Variants in PLD1 observed in about 807,000 individuals in gnomAD.
The protein encoded by PLD1 is phospholipase D1.
A neutral mutation model predicts 137.1 loss-of-function variants in PLD1; 112 were observed. That is an observed-to-expected ratio of 0.82 (90% CI 0.70 to 0.96). The LOEUF (loss-of-function observed/expected upper bound fraction) is 0.96, where lower values mean the gene tolerates loss of function less well. Ranked by LOEUF, PLD1 falls within the 40% of genes least tolerant of loss-of-function variation. The pLI is 0.00. For synonymous variants in PLD1, 431 were observed against 454.7 expected (o/e 0.95, Z 0.66); for missense variants, 1,321 against 1,342.0 (o/e 0.98, Z 0.24).
intron 1 of PLD1, among the ~76,000 whole-genome samples, chr3:171,772,428 C>G (rs951931573): frequency 6.6e-6 from 1 of 152,148 alleles, no homozygotes; most frequent in Non-Finnish European, 1.5e-5. Context: ...GAAATATAAG[C>G]CATTAGCTCA....
chr3:171,613,692 C>T (rs1175808641), intron 24 of PLD1, among the ~76,000 whole-genome samples: 1 of 149,890 alleles, frequency 6.7e-6, no homozygotes, highest in African/African-American at 2.5e-5. Context: ...TCAAGGAGTC[C>T]ATTTTTTTTT....
chr3:171,699,781 A>G lies in PLD1; in HGVS notation c.1191T>C (p.Asn397=), dbSNP rs1464371825. The G allele has an allele frequency of 1.9e-6, 3 of 1,614,066 alleles. No individual in the cohort carries two copies. Among genetic ancestry groups the G allele is most frequent in the African/African-American group, 1.3e-5 (1 of 75,054 alleles). Residue 397 remains asparagine, a synonymous_variant, in exon 12 of 27, where the codon AAT becomes AAC. Transcript: ENST00000351298. Reference sequence around the variant, plus strand: ...TAAGAATGCAGTCCAACCTCCAACGATTTCCCTCAACCACTGGGCGTTTCA... The same window carrying G: ...TAAGAATGCAGTCCAACCTCCAACGGTTTCCCTCAACCACTGGGCGTTTCA... ...IFLKRPVVEG[N]RWRLDCILKR...
At chr3:171,699,948 G>A (rs1165469807) in intron 11 of PLD1, 122 bp from the exon 12 acceptor site, 6 of 725,390 alleles carry the variant, frequency 8.3e-6, no homozygotes, top group African/African-American at 3.5e-5. Context: ...ATTGTGATGG[G>A]TAATCCAAAG....
chr3:171,649,931 T>C (rs951462529), intron 21 of PLD1, among the ~76,000 whole-genome samples: 11 of 152,214 alleles, frequency 7.2e-5, no homozygotes, highest in Non-Finnish European at 8.8e-5. Flanking sequence ...AGCACAATAC[T>C]TCTGGTACTG....
At chr3:171,739,968 A>G (rs1308488175) in intron 1 of PLD1, among the ~76,000 whole-genome samples, 1 of 152,176 alleles carries the variant, frequency 6.6e-6, no homozygotes, top group Non-Finnish European at 1.5e-5. Flanking sequence ...AGCAAACCCT[A>G]ACAGGAAGAA....
chr3:171,662,167 G>C lies in PLD1; in HGVS notation c.2233C>G (p.Leu745Val). Residue 745 changes from leucine (L) to valine (V), a missense_variant, in exon 20 of 27, where the codon CTC becomes GTC. Coordinates refer to ENST00000351298, the MANE Select transcript of PLD1 (RefSeq NM_002662.5). ...PGSVHANVQLLRSAADWSAGI... is the reference protein window; with the variant it reads ...PGSVHANVQLVRSAADWSAGI... The stretch of plus-strand genomic sequence containing the variant: ...GCAGACCAATCAGCAGCAGAGCGGA[G>C]CAACTACAAGGCAGCAATCAGAAAT... The C allele has an allele frequency of 6.3e-7, 1 of 1,589,996 alleles. No homozygotes were observed. The highest frequency in any genetic ancestry group is 8.6e-7 in the Non-Finnish European group (1 of 1,158,354).
chr3:171,614,416 T>G (rs7645352), intron 24 of PLD1, among the ~76,000 whole-genome samples: 1 of 152,188 alleles, frequency 6.6e-6, no homozygotes, highest in African/African-American at 2.4e-5. Context: ...CTTTCATAAA[T>G]TGAGATAATA....
intron 1 of PLD1, among the ~76,000 whole-genome samples, chr3:171,783,007 C>G (rs1396753615): frequency 6.6e-6 from 1 of 151,982 alleles, no homozygotes; most frequent in African/African-American, 2.4e-5. Flanking sequence ...GGATGGGGGA[C>G]AGATGATGGA....
At chr3:171,708,339 G>A (rs6806023) in intron 11 of PLD1, among the ~76,000 whole-genome samples, 46,471 of 151,884 alleles carry the variant, frequency 0.31, 8,166 homozygotes, top group African/African-American at 0.46. Flanking sequence ...ATATTTTTAC[G>A]GTAACAGGCA....
chr3:171,688,028 A>T (rs942706518), intron 14 of PLD1, among the ~76,000 whole-genome samples: 4 of 151,914 alleles, frequency 2.6e-5, no homozygotes, highest in Admixed American at 2.0e-4. Flanking sequence ...AGCCCATCAA[A>T]TTTTTTAATA....
chr3:171,677,491 G>T, intron 17 of PLD1, 75 bp downstream of exon 17: 1 of 1,392,514 alleles, frequency 7.2e-7, no homozygotes, highest in Non-Finnish European at 9.8e-7. Flanking sequence ...TTTAGATCAT[G>T]CACATGTATA....
intron 21 of PLD1, among the ~76,000 whole-genome samples, chr3:171,658,439 G>A (rs1201411453): frequency 6.6e-6 from 1 of 151,944 alleles, no homozygotes; most frequent in African/African-American, 2.4e-5. Flanking sequence ...AATACAATGT[G>A]GTATATCCAC....
At position 171,676,842 on chromosome 3, in the gene PLD1, G is replaced by C. The variant is rs764986635; in HGVS notation, c.1997-9C>G. ...GTACCTGTCAATGAAATCTGCCCGG[G>C]TGCACCAGGCAAGGATCAGTCATTA... On this transcript the variant is annotated splice_polypyrimidine_tract_variant and intron_variant, in intron 17 of 26. Coordinates refer to ENST00000351298, the MANE Select transcript of PLD1 (RefSeq NM_002662.5). 2.5e-6 allele frequency: 4 copies of C among 1,582,692 alleles called. No individual in the cohort carries two copies. Among genetic ancestry groups the C allele is most frequent in the Non-Finnish European group, 3.5e-6 (4 of 1,151,508 alleles).
At chr3:171,661,272 G>A (rs1437840854) in intron 20 of PLD1, among the ~76,000 whole-genome samples, 1 of 152,054 alleles carries the variant, frequency 6.6e-6, no homozygotes, top group Non-Finnish European at 1.5e-5. Flanking sequence ...AAGAAAAACA[G>A]GGCTAGAATG....
At chr3:171,728,444 T>C (rs1239381929) in intron 6 of PLD1, among the ~76,000 whole-genome samples, 1 of 152,244 alleles carries the variant, frequency 6.6e-6, no homozygotes, top group South Asian at 2.1e-4. Flanking sequence ...GGTAATCCTA[T>C]GGGTTATTGG....
chr3:171,796,278 T>A (rs141884998), intron 1 of PLD1, among the ~76,000 whole-genome samples: 172 of 152,316 alleles, frequency 1.1e-3, no homozygotes, highest in African/African-American at 3.9e-3. Flanking sequence ...ATGTAAGAAA[T>A]AGCCAAAGAG....
chr3:171,606,166 A>C (rs1732186320), intron 25 of PLD1, among the ~76,000 whole-genome samples: 1 of 152,178 alleles, frequency 6.6e-6, no homozygotes, highest in South Asian at 2.1e-4. Context: ...GATAGAGTGA[A>C]TGTAGGGTGT....
chr3:171,789,363 A>G (rs1209419241), intron 1 of PLD1: 1 of 152,268 alleles, frequency 6.6e-6, no homozygotes, highest in Non-Finnish European at 1.5e-5. Flanking sequence ...ATGACACTCT[A>G]AGGCGTTTCA....
At chr3:171,733,646 G>T in intron 5 of PLD1, 137 bp from the exon 6 acceptor site, 1 of 543,930 alleles carries the variant, frequency 1.8e-6, no homozygotes, top group Non-Finnish European at 3.2e-6. Context: ...ATATAATCAT[G>T]GAGCAAGGAA....
Sources: allele counts gnomAD v4.1 joint callset (sites outside exome capture counted in the v4.1 genomes callset), GRCh38; gene constraint gnomAD v4.1.1; transcripts MANE v1.5; gene names NCBI Gene and HGNC (gene_info 2026-07-23, HGNC 2026-07-21).